The following RNF220 variants were observed in gnomAD, a reference collection of about 807,000 sequenced individuals.
RNF220 encodes the protein E3 ubiquitin-protein ligase RNF220.
RNF220 carries 7 observed loss-of-function variants against 67.1 expected under a neutral mutation model. The ratio of observed to expected loss-of-function variants is 0.10; its 90% CI spans 0.06 to 0.20. The LOEUF (loss-of-function observed/expected upper bound fraction) is 0.20. Among genes scored for constraint, RNF220 ranks in the 10% least tolerant of loss-of-function variants. RNF220 has a pLI of 1.00. For missense variants in RNF220, 565 were observed against 740.3 expected, an observed-to-expected ratio of 0.76 and a Z score of 2.75; for synonymous variants, 270 against 283.2, an observed-to-expected ratio of 0.95 and a Z score of 0.47.
At chr1:44,646,813 A>G (rs1644664443) in intron 12 of RNF220, among the ~76,000 whole-genome samples, 1 of 152,264 alleles carries the variant, frequency 6.6e-6, no homozygotes, top group African/African-American at 2.4e-5. Context: ...AGAGCTCTCC[A>G]CTGGGTCTGG....
chr1:44,449,496 C>G (rs1652448021), intron 2 of RNF220, among the ~76,000 whole-genome samples: 1 of 152,126 alleles, frequency 6.6e-6, no homozygotes, highest in Admixed American at 6.5e-5. Flanking sequence ...TTACCGCAGC[C>G]TCAAACTCCT....
intron 6 of RNF220, among the ~76,000 whole-genome samples, chr1:44,633,895 A>G (rs1005665450): frequency 6.6e-6 from 1 of 152,220 alleles, no homozygotes; most frequent in African/African-American, 2.4e-5. Context: ...TAAGTCTGAG[A>G]TTCCAAGAGT....
intron 2 of RNF220, among the ~76,000 whole-genome samples, chr1:44,519,685 C>T (rs1013404046): frequency 6.6e-6 from 1 of 152,208 alleles, no homozygotes; most frequent in Non-Finnish European, 1.5e-5. Flanking sequence ...TTGTGAACCT[C>T]CTTGACCCCC....
chr1:44,455,557 T>G (rs1470560048), intron 2 of RNF220, among the ~76,000 whole-genome samples: 7 of 152,140 alleles, frequency 4.6e-5, no homozygotes, highest in Admixed American at 4.6e-4. Context: ...ATTAACTGAT[T>G]GATTAATTCA....
At chr1:44,579,191 A>G (rs534571996) in intron 2 of RNF220, among the ~76,000 whole-genome samples, 148 of 152,082 alleles carry the variant, frequency 9.7e-4, no homozygotes, top group African/African-American at 3.3e-3. Context: ...AAAGAAAATC[A>G]TGCAATCTTC....
At chr1:44,529,254 T>C (rs2148185242) in intron 2 of RNF220, among the ~76,000 whole-genome samples, 1 of 152,210 alleles carries the variant, frequency 6.6e-6, no homozygotes, top group African/African-American at 2.4e-5. Context: ...TAAAATATTG[T>C]TCAGCCATTT....
At chr1:44,580,580 C>G (rs936427135) in intron 2 of RNF220, among the ~76,000 whole-genome samples, 12 of 152,176 alleles carry the variant, frequency 7.9e-5, no homozygotes, top group Non-Finnish European at 1.5e-4. Flanking sequence ...TCTAAACAGC[C>G]GAAGCTCCCC....
intron 6 of RNF220, among the ~76,000 whole-genome samples, chr1:44,633,530 C>G (rs1163870534): frequency 6.6e-6 from 1 of 152,194 alleles, no homozygotes; most frequent in Non-Finnish European, 1.5e-5. Context: ...ACCAAACCTG[C>G]CTTCCTTCTC....
At chr1:44,457,035 C>T (rs7543959) in intron 2 of RNF220, among the ~76,000 whole-genome samples, 2,739 of 152,144 alleles carry the variant, frequency 0.018, 92 homozygotes, top group African/African-American at 0.063. Flanking sequence ...GTTACACCCA[C>T]GTATCCTTCA....
At chr1:44,488,824 G>A (rs1478055498) in intron 2 of RNF220, among the ~76,000 whole-genome samples, 3 of 146,562 alleles carry the variant, frequency 2.0e-5, no homozygotes. Flanking sequence ...CTGCCTCCCA[G>A]GTTCAAGTGA....
At chr1:44,568,163 G>T (rs888139037) in intron 2 of RNF220, among the ~76,000 whole-genome samples, 1 of 152,146 alleles carries the variant, frequency 6.6e-6, no homozygotes, top group Non-Finnish European at 1.5e-5. Context: ...GTGACACTGT[G>T]CCACTCCTCT....
intron 2 of RNF220, among the ~76,000 whole-genome samples, chr1:44,512,078 T>C (rs182940363): frequency 6.6e-6 from 1 of 152,334 alleles, no homozygotes; most frequent in Admixed American, 6.5e-5. Context: ...AGGTTTTCGC[T>C]GTGGTTGTAG....
At chr1:44,541,228 G>A (rs1271048407) in intron 2 of RNF220, among the ~76,000 whole-genome samples, 1 of 152,172 alleles carries the variant, frequency 6.6e-6, no homozygotes, top group African/African-American at 2.4e-5. Flanking sequence ...AGGAGTTCAA[G>A]ACCATCCTGG....
At chr1:44,483,718 G>A (rs1035450801) in intron 2 of RNF220, among the ~76,000 whole-genome samples, 7 of 152,202 alleles carry the variant, frequency 4.6e-5, no homozygotes, top group Admixed American at 1.3e-4. Flanking sequence ...ATCAGAGAGG[G>A]CCAAAGAGTA....
intron 2 of RNF220, among the ~76,000 whole-genome samples, chr1:44,496,728 A>G (rs1657377206): frequency 6.6e-6 from 1 of 152,188 alleles, no homozygotes; most frequent in South Asian, 2.1e-4. Context: ...GGCCCAGAGC[A>G]CAGCTCTTCT....
intron 2 of RNF220, among the ~76,000 whole-genome samples, chr1:44,557,195 T>TTTTATA (rs1553245465): frequency 1.0e-4 from 15 of 144,276 alleles, no homozygotes; most frequent in Admixed American, 2.8e-4. Context: ...AATATATATT[T>TTTTATA]TATATATATA....
intron 2 of RNF220, among the ~76,000 whole-genome samples, chr1:44,454,601 A>T (rs551076696): frequency 7.0e-6 from 1 of 142,228 alleles, no homozygotes; most frequent in Non-Finnish European, 1.5e-5. Context: ...ACTCAAGTTT[A>T]TTGTTTTTTT....
chr1:44,476,153 G>A (rs1476736618), intron 2 of RNF220, among the ~76,000 whole-genome samples: 1 of 151,988 alleles, frequency 6.6e-6, no homozygotes, highest in Non-Finnish European at 1.5e-5. Context: ...AAAGAAAATA[G>A]GGACCTGAGG....
chr1:44,556,769 C>T (rs915893536), intron 2 of RNF220, among the ~76,000 whole-genome samples: 2 of 152,066 alleles, frequency 1.3e-5, no homozygotes, highest in Non-Finnish European at 2.9e-5. Flanking sequence ...CTGTGTTAGC[C>T]AGGATGGTCT....
Sources: allele counts gnomAD v4.1 joint callset (sites outside exome capture counted in the v4.1 genomes callset), GRCh38; gene constraint gnomAD v4.1.1; transcripts MANE v1.5; gene names NCBI Gene and HGNC (gene_info 2026-07-23, HGNC 2026-07-21).